Variants in CHCHD6 observed in about 807,000 individuals in gnomAD.
CHCHD6 encodes the protein coiled-coil-helix-coiled-coil-helix domain containing 6.
A neutral mutation model predicts 32.3 loss-of-function variants in CHCHD6; 28 were observed. The observed-to-expected ratio is 0.87, with a 90% CI of 0.64 to 1.19. The LOEUF is 1.19. CHCHD6 is among the 50% of genes most tolerant of loss of function. CHCHD6 has a pLI of 0.00. For missense variants in CHCHD6, 333 were observed against 307.0 expected (o/e 1.08, Z -0.63); for synonymous variants, 122 against 117.5 (o/e 1.04, Z -0.25).
chr3:126,895,680 A>T (rs1436501659), intron 5 of CHCHD6, among the ~76,000 whole-genome samples: 2 of 152,214 alleles, frequency 1.3e-5, no homozygotes, highest in African/African-American at 4.8e-5. Flanking sequence ...ATGGAAACAG[A>T]GCTGGTTGCA....
At chr3:126,930,920 T>C (rs933768652) in intron 6 of CHCHD6, among the ~76,000 whole-genome samples, 3 of 152,214 alleles carry the variant, frequency 2.0e-5, no homozygotes, top group Admixed American at 1.3e-4. Context: ...TGGAAACAGC[T>C]CAGGGCTGGC....
intron 6 of CHCHD6, among the ~76,000 whole-genome samples, chr3:126,941,332 A>G (rs1275504120): frequency 6.6e-6 from 1 of 152,222 alleles, no homozygotes; most frequent in East Asian, 1.9e-4. Context: ...TACACACTTG[A>G]GTCTATTTCT....
chr3:126,820,582 C>T (rs933411298), intron 4 of CHCHD6, among the ~76,000 whole-genome samples: 1 of 152,174 alleles, frequency 6.6e-6, no homozygotes, highest in African/African-American at 2.4e-5. Context: ...ATAGTATTTC[C>T]TTGCCTGACT....
At chr3:126,865,566 C>T in intron 5 of CHCHD6, 1 of 985,350 alleles carries the variant, frequency 1.0e-6, no homozygotes, top group Non-Finnish European at 1.2e-6. Context: ...CTTCTGCAAC[C>T]TCTGCTTCTC....
chr3:126,834,843 G>C (rs1940789436), intron 4 of CHCHD6, among the ~76,000 whole-genome samples: 1 of 152,138 alleles, frequency 6.6e-6, no homozygotes, highest in Non-Finnish European at 1.5e-5. Context: ...CTGGGTCCTT[G>C]ACAGTCGGCA....
intron 4 of CHCHD6, among the ~76,000 whole-genome samples, chr3:126,806,844 T>C (rs910560941): frequency 5.9e-5 from 9 of 151,968 alleles, no homozygotes; most frequent in African/African-American, 2.2e-4. Context: ...GTGGCACATA[T>C]ACACCATGGA....
chr3:126,833,120 C>CACATGCACACACACATGT (rs1223061129), intron 4 of CHCHD6, among the ~76,000 whole-genome samples: 1 of 152,218 alleles, frequency 6.6e-6, no homozygotes, highest in Non-Finnish European at 1.5e-5. Context: ...CACTTGCATG[C>CACATGCACACACACATGT]ACATGCACAC....
At chr3:126,715,455 C>A (rs538519740) in intron 1 of CHCHD6, among the ~76,000 whole-genome samples, 4 of 151,970 alleles carry the variant, frequency 2.6e-5, no homozygotes, top group Non-Finnish European at 5.9e-5. Context: ...TTGCAGTCTT[C>A]TCTTCTAGCC....
chr3:126,782,023 G>C (rs1937968243), intron 4 of CHCHD6, among the ~76,000 whole-genome samples: 1 of 152,246 alleles, frequency 6.6e-6, no homozygotes. Flanking sequence ...GGAGTTGGCG[G>C]GTGGGGAGAG....
At chr3:126,830,081 G>C (rs1940573698) in intron 4 of CHCHD6, among the ~76,000 whole-genome samples, 1 of 152,176 alleles carries the variant, frequency 6.6e-6, no homozygotes, top group South Asian at 2.1e-4. Context: ...TTGGGCCACA[G>C]AGTGAGACTC....
At chr3:126,765,875 G>A (rs1029491133) in intron 4 of CHCHD6, among the ~76,000 whole-genome samples, 7 of 152,232 alleles carry the variant, frequency 4.6e-5, no homozygotes, top group African/African-American at 1.4e-4. Context: ...CAGCCAAGGG[G>A]AGAAACAGAA....
intron 5 of CHCHD6, among the ~76,000 whole-genome samples, chr3:126,888,621 G>GAAGAGCC (rs2107576627): frequency 6.6e-6 from 1 of 152,318 alleles, no homozygotes; most frequent in South Asian, 2.1e-4. Flanking sequence ...AAAATGATCA[G>GAAGAGCC]AAGAGCCATC....
intron 4 of CHCHD6, among the ~76,000 whole-genome samples, chr3:126,838,177 A>G (rs1940936488): frequency 6.6e-6 from 1 of 152,216 alleles, no homozygotes; most frequent in Non-Finnish European, 1.5e-5. Context: ...AGCCTACAGT[A>G]TTTCAGCAGA....
intron 4 of CHCHD6, among the ~76,000 whole-genome samples, chr3:126,761,044 G>A (rs1307027599): frequency 6.6e-6 from 1 of 152,134 alleles, no homozygotes; most frequent in Non-Finnish European, 1.5e-5. Flanking sequence ...TGTTGCCCAG[G>A]CTGGTCTCAA....
At chr3:126,710,038 A>C (rs892186860) in intron 1 of CHCHD6, among the ~76,000 whole-genome samples, 1 of 152,222 alleles carries the variant, frequency 6.6e-6, no homozygotes. Context: ...AGCCATAGAC[A>C]ATATGCTTAA....
intron 5 of CHCHD6, among the ~76,000 whole-genome samples, chr3:126,910,693 A>G (rs1053433984): frequency 5.3e-5 from 8 of 152,166 alleles, no homozygotes; most frequent in Non-Finnish European, 1.0e-4. Context: ...ACCTCTGTAC[A>G]AGGATGGGGA....
chr3:126,941,348 CTT>C (rs1242424527), intron 6 of CHCHD6, among the ~76,000 whole-genome samples: 3 of 152,174 alleles, frequency 2.0e-5, no homozygotes, highest in Non-Finnish European at 4.4e-5. Flanking sequence ...TTTCTAGACT[CTT>C]TTCCAGGCCA....
At chr3:126,743,406 A>G (rs554782440) in intron 4 of CHCHD6, among the ~76,000 whole-genome samples, 1 of 152,100 alleles carries the variant, frequency 6.6e-6, no homozygotes, top group Non-Finnish European at 1.5e-5. Flanking sequence ...GGCTCAGGCG[A>G]CCTCTGCTGT....
intron 5 of CHCHD6, among the ~76,000 whole-genome samples, chr3:126,858,794 T>C (rs775154770): frequency 2.7e-4 from 41 of 152,204 alleles, no homozygotes; most frequent in Non-Finnish European, 4.9e-4. Context: ...ACCAGGTTGC[T>C]CCATGTCCAT....
Sources: gnomAD v4.1 joint callset for allele counts (sites outside exome capture counted in the v4.1 genomes callset) on GRCh38, gnomAD v4.1.1 for gene constraint, MANE v1.5 for transcripts, NCBI Gene and HGNC (gene_info 2026-07-23, HGNC 2026-07-21) for gene names.